SH3D19: variants seen among roughly 807,000 people sequenced by gnomAD.
SH3D19 encodes SH3 domain containing 19.
A neutral mutation model predicts 112.1 loss-of-function variants in SH3D19; 58 were observed. That is an observed-to-expected ratio of 0.52 (90% CI 0.42 to 0.64). The LOEUF is 0.64. Ranked by LOEUF, SH3D19 falls within the 30% of genes least tolerant of loss-of-function variation. The pLI is 0.00. For synonymous variants in SH3D19, 391 were observed against 448.5 expected, an observed-to-expected ratio of 0.87 and a Z score of 1.62; for missense variants, 1,090 against 1,263.4, an observed-to-expected ratio of 0.86 and a Z score of 2.08.
intron 1 of SH3D19, among the ~76,000 whole-genome samples, chr4:151,287,880 CT>C (rs917358447): frequency 2.0e-5 from 3 of 152,032 alleles, no homozygotes; most frequent in African/African-American, 7.2e-5. Flanking sequence ...ACCCCTCTCT[CT>C]TTTTTTATTT....
At chr4:151,126,182 C>T (rs140820207) in intron 19 of SH3D19, among the ~76,000 whole-genome samples, 27 of 152,254 alleles carry the variant, frequency 1.8e-4, no homozygotes, top group African/African-American at 6.5e-4. Flanking sequence ...CCTTGACTTC[C>T]CAAAAGTGTT....
intron 9 of SH3D19, among the ~76,000 whole-genome samples, chr4:151,154,037 C>T (rs1205881468): frequency 2.0e-5 from 3 of 152,058 alleles, no homozygotes; most frequent in African/African-American, 7.2e-5. Flanking sequence ...TCTCGGCTCA[C>T]TGCAACCTCT....
intron 4 of SH3D19, among the ~76,000 whole-genome samples, chr4:151,178,494 T>A (rs1760305627): frequency 6.6e-6 from 1 of 152,260 alleles, no homozygotes; most frequent in Non-Finnish European, 1.5e-5. Context: ...AGCTTTTGTC[T>A]AACTAAATAG....
At chr4:151,193,810 G>T (rs1052486186) in intron 2 of SH3D19, among the ~76,000 whole-genome samples, 4 of 152,138 alleles carry the variant, frequency 2.6e-5, no homozygotes, top group Non-Finnish European at 5.9e-5. Flanking sequence ...AGAACTGTGG[G>T]TCTGATGTAT....
At chr4:151,127,770 A>C in intron 18 of SH3D19, 55 bp from the exon 19 acceptor site, 1 of 1,051,510 alleles carries the variant, frequency 9.5e-7, no homozygotes, top group Non-Finnish European at 1.3e-6. Flanking sequence ...TAAAACACAA[A>C]TCTAACATTT....
intron 1 of SH3D19, among the ~76,000 whole-genome samples, chr4:151,243,944 C>T (rs1393762539): frequency 6.6e-6 from 1 of 152,148 alleles, no homozygotes; most frequent in Non-Finnish European, 1.5e-5. Context: ...ATCATGCCTT[C>T]TTCAAAGAGT....
chr4:151,154,690 C>T (rs1216407632), intron 9 of SH3D19, among the ~76,000 whole-genome samples: 1 of 152,080 alleles, frequency 6.6e-6, no homozygotes, highest in African/African-American at 2.4e-5. Context: ...AATTTTCGTG[C>T]CTCAGCCTCC....
intron 7 of SH3D19, among the ~76,000 whole-genome samples, chr4:151,169,184 G>A (rs1006989650): frequency 3.3e-5 from 5 of 152,154 alleles, no homozygotes; most frequent in African/African-American, 9.7e-5. Flanking sequence ...TATTCAAAGT[G>A]TCCTAGCTTA....
At chr4:151,144,267 C>T in intron 11 of SH3D19, 1 of 1,614,008 alleles carries the variant, frequency 6.2e-7, no homozygotes, top group South Asian at 1.1e-5. Flanking sequence ...TCTTCATTGG[C>T]AATTCCATGA....
At chr4:151,246,648 C>T (rs1216406171) in intron 1 of SH3D19, among the ~76,000 whole-genome samples, 1 of 152,110 alleles carries the variant, frequency 6.6e-6, no homozygotes, top group Non-Finnish European at 1.5e-5. Context: ...ATATACTATA[C>T]AGTTATGATC....
At chr4:151,134,295 T>C (rs1751363029) in intron 15 of SH3D19, among the ~76,000 whole-genome samples, 2 of 151,822 alleles carry the variant, frequency 1.3e-5, no homozygotes, top group South Asian at 4.1e-4. Context: ...ATGAATTCTA[T>C]TAATTTGCTC....
intron 9 of SH3D19, among the ~76,000 whole-genome samples, chr4:151,156,970 A>C (rs1756235442): frequency 6.6e-6 from 1 of 152,056 alleles, no homozygotes; most frequent in East Asian, 1.9e-4. Context: ...AACAGCAAAA[A>C]CCCCAAACAA....
At chr4:151,242,808 C>T (rs1770664186) in intron 1 of SH3D19, among the ~76,000 whole-genome samples, 1 of 151,996 alleles carries the variant, frequency 6.6e-6, no homozygotes, top group South Asian at 2.1e-4. Flanking sequence ...TTATATTTAA[C>T]AAGGGATATA....
chr4:151,276,785 C>G (rs536177524), intron 1 of SH3D19, among the ~76,000 whole-genome samples: 30 of 152,270 alleles, frequency 2.0e-4, no homozygotes, highest in African/African-American at 7.2e-4. Flanking sequence ...AAAAATTAAC[C>G]AGATACTGGG....
At chr4:151,132,219 G>A in intron 17 of SH3D19, 112 bp downstream of exon 17, 2 of 807,246 alleles carry the variant, frequency 2.5e-6, no homozygotes, top group South Asian at 3.5e-5. Context: ...AACATTTGTT[G>A]TATGAATTGA....
chr4:151,279,603 A>C (rs1375894148), intron 1 of SH3D19, among the ~76,000 whole-genome samples: 1 of 152,214 alleles, frequency 6.6e-6, no homozygotes, highest in Non-Finnish European at 1.5e-5. Flanking sequence ...AAAAAGAAAG[A>C]GCTACAATCA....
chr4:151,135,683 C>G (rs1051546963), intron 14 of SH3D19, among the ~76,000 whole-genome samples: 3 of 152,018 alleles, frequency 2.0e-5, no homozygotes, highest in Non-Finnish European at 4.4e-5. Flanking sequence ...CCTGCCTTAG[C>G]CTCCCAAAGT....
intron 3 of SH3D19, among the ~76,000 whole-genome samples, chr4:151,180,078 T>C (rs6858302): frequency 0.061 from 9,351 of 152,160 alleles, 456 homozygotes; most frequent in East Asian, 0.19. Context: ...GAGATGAGGT[T>C]TCGCCATGTT....
intron 1 of SH3D19, among the ~76,000 whole-genome samples, chr4:151,257,575 CATT>C (rs753264361): frequency 3.2e-4 from 48 of 152,068 alleles, no homozygotes; most frequent in Non-Finnish European, 4.6e-4. Flanking sequence ...TCTTCATCAT[CATT>C]ATTATGTTAT....
Sources: allele counts gnomAD v4.1 joint callset (sites outside exome capture counted in the v4.1 genomes callset), GRCh38; gene constraint gnomAD v4.1.1; transcripts MANE v1.5; gene names NCBI Gene and HGNC (gene_info 2026-07-23, HGNC 2026-07-21).